Variants in GALNT10 observed in about 807,000 individuals in gnomAD.
The protein encoded by GALNT10 is polypeptide N-acetylgalactosaminyltransferase 10.
GALNT10 carries 41 observed loss-of-function variants against 75.0 expected under a neutral mutation model. That is an observed-to-expected ratio of 0.55 (90% CI 0.43 to 0.71). The LOEUF (loss-of-function observed/expected upper bound fraction) is 0.71. Ranked by LOEUF, GALNT10 falls within the 30% of genes least tolerant of loss-of-function variation. The probability of loss-of-function intolerance (pLI) is 0.00; values close to 1 mark genes in which losing one functional copy is unlikely to be tolerated. For missense variants in GALNT10, 727 were observed against 818.5 expected, an observed-to-expected ratio of 0.89 and a Z score of 1.36; for synonymous variants, 302 against 313.0, an observed-to-expected ratio of 0.96 and a Z score of 0.37.
chr5:154,410,001 CT>C (rs1312391023), intron 9 of GALNT10, among the ~76,000 whole-genome samples: 2 of 152,172 alleles, frequency 1.3e-5, no homozygotes, highest in Non-Finnish European at 2.9e-5. Context: ...TACCTTTCAT[CT>C]TTATATTATG....
intron 1 of GALNT10, among the ~76,000 whole-genome samples, chr5:154,276,921 T>C (rs1242278075): frequency 6.6e-6 from 1 of 152,108 alleles, no homozygotes; most frequent in Non-Finnish European, 1.5e-5. Flanking sequence ...GAGGACAAGA[T>C]ACAAACAGTT....
chr5:154,318,670 A>G (rs980856257), intron 3 of GALNT10, among the ~76,000 whole-genome samples: 8 of 152,230 alleles, frequency 5.3e-5, no homozygotes, highest in African/African-American at 1.9e-4. Context: ...GATGTTTTCT[A>G]TTATTGTCAT....
intron 1 of GALNT10, among the ~76,000 whole-genome samples, chr5:154,245,870 C>CAT (rs1220115947): frequency 2.0e-5 from 3 of 147,916 alleles, no homozygotes; most frequent in Non-Finnish European, 3.0e-5. Context: ...AGGTTTGTTA[C>CAT]ATATATATAC....
chr5:154,386,449 C>A lies in GALNT10; in HGVS notation c.1056+19C>A, dbSNP rs749095346. 33 of 1,473,302 alleles carry A rather than the reference C, an allele frequency of 2.2e-5. No individual in the cohort carries two copies. Among genetic ancestry groups the A allele is most frequent in the Admixed American group, 1.5e-4 (9 of 59,828 alleles). The allele number at this position is 1,473,302 out of a possible 1,614,324, so 91.3% of individuals were successfully genotyped here. A position where few individuals can be genotyped will look rare whatever the true frequency, so the allele number is the denominator to read the frequency against. ...CTTCAAGGTGAGCCAGCTCTCCAGACGCCCCGTTCTTGGCACAGCCTCCTG... is the reference window on the plus strand; with the variant it reads ...CTTCAAGGTGAGCCAGCTCTCCAGAAGCCCCGTTCTTGGCACAGCCTCCTG... On this transcript the variant is annotated intron_variant, in intron 7 of 11. Transcript: ENST00000297107.
At chr5:154,378,317 T>TATCGTCATCATC (rs1554100935) in intron 5 of GALNT10, among the ~76,000 whole-genome samples, 1 of 150,882 alleles carries the variant, frequency 6.6e-6, no homozygotes, top group Non-Finnish European at 1.5e-5. Flanking sequence ...TTTCCTTTTT[T>TATCGTCATCATC]ATCATCATCA....
intron 6 of GALNT10, among the ~76,000 whole-genome samples, chr5:154,383,489 A>C (rs1374219553): frequency 6.6e-6 from 1 of 152,204 alleles, no homozygotes; most frequent in African/African-American, 2.4e-5. Flanking sequence ...CACACTGGAC[A>C]CTCAGAATTG....
chr5:154,317,475 C>T (rs921035758), intron 3 of GALNT10, among the ~76,000 whole-genome samples: 1 of 152,180 alleles, frequency 6.6e-6, no homozygotes, highest in Non-Finnish European at 1.5e-5. Context: ...TGTTTGGTCA[C>T]AAGCAAGCTG....
At chr5:154,226,878 C>CCT (rs1417993672) in intron 1 of GALNT10, among the ~76,000 whole-genome samples, 2 of 152,050 alleles carry the variant, frequency 1.3e-5, no homozygotes, top group African/African-American at 4.8e-5. Context: ...CAACCACTGC[C>CCT]CTCTATCACC....
intron 4 of GALNT10, among the ~76,000 whole-genome samples, chr5:154,369,882 T>G (rs1755540172): frequency 6.6e-6 from 1 of 152,190 alleles, no homozygotes; most frequent in Non-Finnish European, 1.5e-5. Context: ...TCTTCCCTCT[T>G]GGGCTGCTCC....
At chr5:154,345,273 T>G (rs1260179791) in intron 4 of GALNT10, among the ~76,000 whole-genome samples, 1 of 152,186 alleles carries the variant, frequency 6.6e-6, no homozygotes, top group Non-Finnish European at 1.5e-5. Context: ...ATTAATGTGT[T>G]CATCACCTCC....
intron 1 of GALNT10, among the ~76,000 whole-genome samples, chr5:154,205,465 T>G (rs142824012): frequency 1.0e-3 from 156 of 152,332 alleles, no homozygotes; most frequent in African/African-American, 3.6e-3. Flanking sequence ...AGGGAGCGTC[T>G]TAAGGAAGAG....
At chr5:154,285,335 T>C (rs137970173) in intron 1 of GALNT10, among the ~76,000 whole-genome samples, 266 of 152,304 alleles carry the variant, frequency 1.7e-3, no homozygotes, top group African/African-American at 6.0e-3. Context: ...TTCTTGAAGG[T>C]GAAATAGACA....
intron 4 of GALNT10, among the ~76,000 whole-genome samples, chr5:154,374,924 CT>C (rs1755631302): frequency 6.6e-6 from 1 of 152,114 alleles, no homozygotes; most frequent in Admixed American, 6.5e-5. Flanking sequence ...ATTATTAGCT[CT>C]TTATTAGAAA....
chr5:154,237,895 G>T (rs554610713), intron 1 of GALNT10, among the ~76,000 whole-genome samples: 1 of 152,102 alleles, frequency 6.6e-6, no homozygotes, highest in African/African-American at 2.4e-5. Flanking sequence ...TTTCTCCACC[G>T]CACCATGACT....
chr5:154,262,702 G>A (rs1237976539), intron 1 of GALNT10, among the ~76,000 whole-genome samples: 3 of 152,154 alleles, frequency 2.0e-5, no homozygotes, highest in African/African-American at 7.2e-5. Flanking sequence ...ACTAAGCTGG[G>A]CTCCATTTTA....
chr5:154,215,004 C>T (rs1056677772), intron 1 of GALNT10, among the ~76,000 whole-genome samples: 3 of 152,134 alleles, frequency 2.0e-5, no homozygotes, highest in African/African-American at 7.2e-5. Context: ...TTGTAAATTC[C>T]ATTATACTAT....
chr5:154,412,037 C>G lies in GALNT10; in HGVS notation c.1387-852C>G, dbSNP rs1049732319. On this transcript the variant is annotated intron_variant, in intron 9 of 11. Coordinates refer to ENST00000297107, the MANE Select transcript of GALNT10 (RefSeq NM_198321.4). This position sits in a 1 kb window ranked among gnomAD's most constrained non-coding sequence, Gnocchi z 4.2. ...AGTTCAACATCTCGCAAGAGTGGGT[C>G]TGCCTCACCCATTGGCTGGGATCCA... Among the ~76,000 whole-genome samples, 1 of 152,162 alleles carries G rather than the reference C, an allele frequency of 6.6e-6. No individual in the cohort carries two copies. The highest frequency in any genetic ancestry group is 1.5e-5 in the Non-Finnish European group (1 of 68,028).
At chr5:154,202,165 G>GATGA (rs1335631099) in intron 1 of GALNT10, among the ~76,000 whole-genome samples, 2 of 152,190 alleles carry the variant, frequency 1.3e-5, no homozygotes, top group African/African-American at 4.8e-5. Flanking sequence ...GAGAGAACCT[G>GATGA]GATGAGAACA....
At chr5:154,239,484 G>A in intron 1 of GALNT10, among the ~76,000 whole-genome samples, 1 of 152,220 alleles carries the variant, frequency 6.6e-6, no homozygotes, top group African/African-American at 2.4e-5. Flanking sequence ...ACCCTATGGT[G>A]AACGTGCATG....
Sources: gnomAD v4.1 joint callset for allele counts (sites outside exome capture counted in the v4.1 genomes callset) on GRCh38, gnomAD v4.1.1 for gene constraint, Gnocchi (gnomAD v3.1) non-coding constraint, MANE v1.5 for transcripts, NCBI Gene and HGNC (gene_info 2026-07-23, HGNC 2026-07-21) for gene names.